NEDD9: variants seen among roughly 807,000 people sequenced by gnomAD.
NEDD9 encodes the protein neural precursor cell expressed, developmentally down-regulated 9.
Under a neutral mutation model 76.6 loss-of-function variants are expected in NEDD9, and 26 were observed. The ratio of observed to expected loss-of-function variants is 0.34; its 90% CI spans 0.25 to 0.47. The LOEUF is 0.47. Ranked by LOEUF, NEDD9 falls within the 20% of genes least tolerant of loss-of-function variation. The probability of loss-of-function intolerance (pLI) is 1.00; values close to 1 mark genes in which losing one functional copy is unlikely to be tolerated. For missense variants in NEDD9, 937 were observed against 1,058.5 expected (o/e 0.89, Z 1.59); for synonymous variants, 392 against 414.2 (o/e 0.95, Z 0.65).
chr6:11,377,470 C>T (rs894786535), intron 1 of NEDD9, among the ~76,000 whole-genome samples: 2 of 152,240 alleles, frequency 1.3e-5, no homozygotes, highest in African/African-American at 4.8e-5. Context: ...TATTTTGGAC[C>T]TTTAAGATTT....
chr6:11,280,698 ACC>A (rs1489982755), intron 3 of NEDD9, among the ~76,000 whole-genome samples: 11 of 152,128 alleles, frequency 7.2e-5, no homozygotes, highest in African/African-American at 2.7e-4. Flanking sequence ...ATGTCCCTCA[ACC>A]AATGGTCTTG....
At chr6:11,326,240 G>A (rs1761925606) in intron 2 of NEDD9, among the ~76,000 whole-genome samples, 1 of 152,080 alleles carries the variant, frequency 6.6e-6, no homozygotes, top group African/African-American at 2.4e-5. Flanking sequence ...TATGAGCCGG[G>A]TATTTAGCTC....
At chr6:11,205,836 C>T (rs1409958041) in intron 2 of NEDD9, among the ~76,000 whole-genome samples, 1 of 152,140 alleles carries the variant, frequency 6.6e-6, no homozygotes, top group African/African-American at 2.4e-5. Context: ...TGGTATCAGT[C>T]AGACTGGTTG....
At chr6:11,322,934 T>A (rs1761842302) in intron 2 of NEDD9, among the ~76,000 whole-genome samples, 1 of 152,200 alleles carries the variant, frequency 6.6e-6, no homozygotes, top group African/African-American at 2.4e-5. Context: ...ACTACCTGGG[T>A]GGTCTTGGGC....
chr6:11,277,365 A>T (rs1760439310), intron 3 of NEDD9, among the ~76,000 whole-genome samples: 1 of 152,218 alleles, frequency 6.6e-6, no homozygotes, highest in Non-Finnish European at 1.5e-5. Context: ...ATTAGACAAA[A>T]GGTCAACATT....
chr6:11,224,665 A>T (rs1177996951), intron 1 of NEDD9, among the ~76,000 whole-genome samples: 1 of 152,192 alleles, frequency 6.6e-6, no homozygotes, highest in African/African-American at 2.4e-5. Context: ...ATGTGTCCTG[A>T]CACTGAAGAC....
Position 11,232,131 on chromosome 6 carries a change from C to G in NEDD9, c.12+373G>C, listed in dbSNP as rs369145030. Among the ~76,000 whole-genome samples, 79 of 152,240 alleles carry G rather than the reference C, an allele frequency of 5.2e-4. No individual in the cohort carries two copies. In the East Asian group the frequency reaches 7.3e-3, roughly 14 times the overall value. On this transcript the variant is annotated intron_variant, in intron 1 of 6. Coordinates refer to ENST00000379446, the MANE Select transcript of NEDD9 (RefSeq NM_006403.4). ...TCCTCATTCCTCTCATTACAGTTCC[C>G]CAGGGCAGTGGAAGCCAGGCCTGGG...
Position 11,193,749 on chromosome 6 carries a change from T to G in NEDD9, c.460-57A>C, listed in dbSNP as rs151157880. On this transcript the variant is annotated intron_variant, in intron 2 of 6. Coordinates refer to ENST00000379446, the MANE Select transcript of NEDD9 (RefSeq NM_006403.4). ...TCCAAGCCTGAGTCCTTGAATCTCC[T>G]TGCCTCCTAACTAAGCACTCATCCC... The G allele has an allele frequency of 4.5e-4, 542 of 1,217,966 alleles. No individual in the cohort carries two copies. The African/African-American group carries it at 6.4e-3, about 14-fold the overall frequency. The allele number at this position is 1,217,966 out of a possible 1,614,324, so 75.4% of individuals were successfully genotyped here. A position where few individuals can be genotyped will look rare whatever the true frequency, so the allele number is the denominator to read the frequency against.
intron 1 of NEDD9, among the ~76,000 whole-genome samples, chr6:11,344,384 T>G (rs1762328577): frequency 6.6e-6 from 1 of 152,178 alleles, no homozygotes; most frequent in South Asian, 2.1e-4. Context: ...AAGGCTAAGA[T>G]AGGAGTGTGG....
At chr6:11,195,604 CA>C (rs1436670519) in intron 2 of NEDD9, among the ~76,000 whole-genome samples, 2 of 152,172 alleles carry the variant, frequency 1.3e-5, no homozygotes, top group Non-Finnish European at 2.9e-5. Flanking sequence ...TAAAAGTTTC[CA>C]AGAGTGGATT....
chr6:11,360,908 C>A (rs1385545934), intron 1 of NEDD9, among the ~76,000 whole-genome samples: 1 of 152,180 alleles, frequency 6.6e-6, no homozygotes, highest in Non-Finnish European at 1.5e-5. Flanking sequence ...AGAGAAAGAA[C>A]AGAAAAGGCA....
intron 2 of NEDD9, among the ~76,000 whole-genome samples, chr6:11,208,081 G>C (rs549067240): frequency 6.6e-6 from 1 of 151,978 alleles, no homozygotes; most frequent in East Asian, 1.9e-4. Context: ...GGCAGGCTGA[G>C]GAATGAGAAT....
chr6:11,208,196 C>G (rs1048083518), intron 2 of NEDD9, among the ~76,000 whole-genome samples: 2 of 149,784 alleles, frequency 1.3e-5, no homozygotes, highest in Non-Finnish European at 3.0e-5. Flanking sequence ...AAAAAAAAAG[C>G]CTAGTTTTCC....
Position 11,367,326 on chromosome 6 carries a change from CT to C in NEDD9, c.-214+14812del, listed in dbSNP as rs542995876. Reference sequence around the variant, plus strand: ...GGCTGGATGAGAATAACATTCCTTTCTATTGTGATCATCCTACATCAAGGAA... The same window carrying C: ...GGCTGGATGAGAATAACATTCCTTTCATTGTGATCATCCTACATCAAGGAA... On this transcript the variant is annotated intron_variant, in intron 1 of 3. Coordinates refer to the NEDD9 transcript ENST00000397378. Among the ~76,000 whole-genome samples, 42 of 152,302 alleles carry C rather than the reference CT, an allele frequency of 2.8e-4. 1 individual carries two copies. Among genetic ancestry groups the C allele is most frequent in the African/African-American group, 9.9e-4 (41 of 41,554 alleles).
chr6:11,336,705 A>T (rs188691738), intron 1 of NEDD9, among the ~76,000 whole-genome samples: 1 of 152,350 alleles, frequency 6.6e-6, no homozygotes, highest in Admixed American at 6.5e-5. Context: ...TTACTCCAAT[A>T]ATAAATTACC....
chr6:11,295,752 C>G (rs777227734), intron 3 of NEDD9, among the ~76,000 whole-genome samples: 9 of 152,172 alleles, frequency 5.9e-5, no homozygotes, highest in Non-Finnish European at 1.2e-4. Flanking sequence ...ATCCTGCTTC[C>G]TCTCTTGCCT....
chr6:11,216,221 T>A (rs2113763895), intron 1 of NEDD9, among the ~76,000 whole-genome samples: 1 of 152,316 alleles, frequency 6.6e-6, no homozygotes, highest in East Asian at 1.9e-4. Context: ...TTGTCAGTGC[T>A]GTTAGTAGCC....
Position 11,365,912 on chromosome 6 carries a change from G to A in NEDD9, c.-214+16227C>T, listed in dbSNP as rs142338014. On this transcript the variant is annotated intron_variant, in intron 1 of 3. Coordinates refer to the NEDD9 transcript ENST00000397378. ...GGGCTGAGGCTGGAGAATCACTTGAGCCCAGGAGGCAGAGGTTGCCGTGAG... is the reference window on the plus strand; with the variant it reads ...GGGCTGAGGCTGGAGAATCACTTGAACCCAGGAGGCAGAGGTTGCCGTGAG... Among the ~76,000 whole-genome samples, 122 of 152,134 alleles carry A rather than the reference G, an allele frequency of 8.0e-4. 2 individuals are homozygous for A. In the East Asian group the frequency reaches 0.022, roughly 27 times the overall value.
intron 3 of NEDD9, among the ~76,000 whole-genome samples, chr6:11,261,820 T>C (rs1468976295): frequency 6.6e-6 from 1 of 152,126 alleles, no homozygotes; most frequent in African/African-American, 2.4e-5. Flanking sequence ...ACTAAAAGTC[T>C]GTGTGCAGTG....
Sources: allele counts gnomAD v4.1 joint callset (sites outside exome capture counted in the v4.1 genomes callset), GRCh38; gene constraint gnomAD v4.1.1; transcripts MANE v1.5; gene names NCBI Gene and HGNC (gene_info 2026-07-23, HGNC 2026-07-21).